The following ZNF695 variants were observed in gnomAD, a reference collection of about 807,000 sequenced individuals.
ZNF695 encodes zinc finger protein SBZF3.
In ZNF695, 11 loss-of-function variants were observed where a neutral mutation model predicts 11.2. The ratio of observed to expected loss-of-function variants is 0.98; its 90% CI spans 0.62 to 1.62. ZNF695 has a LOEUF of 1.62. Ranked by LOEUF, ZNF695 falls within the 40% of genes most tolerant of loss-of-function variation. ZNF695 has a pLI of 0.00. For synonymous variants in ZNF695, 190 were observed against 201.4 expected (o/e 0.94, Z 0.48); for missense variants, 559 against 590.5 (o/e 0.95, Z 0.55).
intron 5 of ZNF695, among the ~76,000 whole-genome samples, chr1:246,960,381 T>C (rs1267779547): frequency 6.6e-6 from 1 of 152,134 alleles, no homozygotes; most frequent in Non-Finnish European, 1.5e-5. Flanking sequence ...TTATATAGAG[T>C]GTGGTTTCTT....
At chr1:246,961,330 T>A (rs940628875) in intron 5 of ZNF695, among the ~76,000 whole-genome samples, 6 of 152,218 alleles carry the variant, frequency 3.9e-5, no homozygotes, top group African/African-American at 1.4e-4. Context: ...CTTATATTGC[T>A]ACCTATTATT....
At chr1:246,962,168 T>C (rs1386880058) in intron 5 of ZNF695, among the ~76,000 whole-genome samples, 1 of 152,220 alleles carries the variant, frequency 6.6e-6, no homozygotes, top group African/African-American at 2.4e-5. Flanking sequence ...TCTTTCCTAA[T>C]GAAGGAGAGG....
chr1:246,949,475 C>T (rs1257150672), intron 5 of ZNF695, among the ~76,000 whole-genome samples: 1 of 152,010 alleles, frequency 6.6e-6, no homozygotes, highest in Non-Finnish European at 1.5e-5. Flanking sequence ...CCTTTAGTCC[C>T]AGCTACTTGG....
chr1:246,962,303 G>A (rs1668182257), intron 5 of ZNF695, among the ~76,000 whole-genome samples: 2 of 152,162 alleles, frequency 1.3e-5, no homozygotes, highest in Admixed American at 6.5e-5. Context: ...CCCAGTCACA[G>A]GAATATGGCT....
intron 4 of ZNF695, among the ~76,000 whole-genome samples, chr1:246,978,644 T>A (rs1033487055): frequency 6.6e-6 from 1 of 152,198 alleles, no homozygotes; most frequent in African/African-American, 2.4e-5. Flanking sequence ...TTACCACATG[T>A]GTATGGCGTA....
In ZNF695 at chr1:246,985,895, C is replaced by T. The variant is rs1402604046; in HGVS notation, c.*1072G>A. The T allele has an allele frequency of 4.2e-5, 41 of 985,192 alleles. No individual in the cohort carries two copies. The highest frequency in any genetic ancestry group is 2.3e-4 in the East Asian group (2 of 8,816). 61.0% of individuals were successfully genotyped at this position (985,192 alleles called of 1,614,324 possible). A position where few individuals can be genotyped will look rare whatever the true frequency, so the allele number is the denominator to read the frequency against. ...GAAAAGGATATGAACAACACCCACC[C>T]GAATATAGAAGAAACTCTCACAGCT... is the stretch of plus-strand genomic sequence containing the variant. On this transcript the variant is annotated 3_prime_UTR_variant, in exon 4 of 4. Transcript: ENST00000339986.
chr1:246,999,221 G>A (rs1445473465), intron 3 of ZNF695, 127 bp downstream of exon 3: 4 of 699,454 alleles, frequency 5.7e-6, no homozygotes, highest in Non-Finnish European at 7.5e-6. Context: ...GGGAGCAAGA[G>A]AAAGAAACCC....
At chr1:246,971,129 G>A (rs1022171296) in intron 4 of ZNF695, among the ~76,000 whole-genome samples, 1 of 152,220 alleles carries the variant, frequency 6.6e-6, no homozygotes, top group African/African-American at 2.4e-5. Flanking sequence ...AGGGTAAGGA[G>A]TGTGAGCCAT....
intron 5 of ZNF695, among the ~76,000 whole-genome samples, chr1:246,962,040 C>G (rs1471121942): frequency 6.6e-6 from 1 of 152,242 alleles, no homozygotes; most frequent in South Asian, 2.1e-4. Context: ...CTGAACTTCT[C>G]TTTAAGGAAA....
chr1:247,007,559 A>C (rs1033789371), intron 1 of ZNF695, among the ~76,000 whole-genome samples: 3 of 151,566 alleles, frequency 2.0e-5, no homozygotes, highest in Non-Finnish European at 2.9e-5. Flanking sequence ...CCACCCAGGA[A>C]CCTTTCACGG....
chr1:246,960,818 A>C (rs897260557), intron 5 of ZNF695, among the ~76,000 whole-genome samples: 1 of 152,128 alleles, frequency 6.6e-6, no homozygotes, highest in Non-Finnish European at 1.5e-5. Flanking sequence ...CTGCAGTCCC[A>C]GCTACTTGGG....
intron 1 of ZNF695, among the ~76,000 whole-genome samples, chr1:247,007,540 C>T (rs1357405648): frequency 6.6e-6 from 1 of 151,270 alleles, no homozygotes; most frequent in Admixed American, 6.6e-5. Flanking sequence ...CCACAGACCA[C>T]AGCTCCTCCC....
intron 5 of ZNF695, among the ~76,000 whole-genome samples, chr1:246,962,097 C>T (rs908732881): frequency 3.9e-5 from 6 of 152,314 alleles, no homozygotes; most frequent in East Asian, 3.9e-4. Flanking sequence ...GCAGTCAAGG[C>T]GGCAGGAAGC....
intron 5 of ZNF695, among the ~76,000 whole-genome samples, chr1:246,954,963 C>A (rs1419944542): frequency 2.0e-5 from 3 of 152,274 alleles, no homozygotes; most frequent in East Asian, 3.9e-4. Context: ...CCACCCAAAT[C>A]TCATCCAAAT....
chr1:246,973,126 C>T (rs186074682), intron 4 of ZNF695, among the ~76,000 whole-genome samples: 23 of 151,706 alleles, frequency 1.5e-4, no homozygotes, highest in Non-Finnish European at 2.2e-4. Context: ...CTCGGCTCAA[C>T]GCAACCTCCA....
At chr1:246,990,734 C>G (rs1398109083) in intron 3 of ZNF695, among the ~76,000 whole-genome samples, 7 of 152,100 alleles carry the variant, frequency 4.6e-5, no homozygotes, top group Non-Finnish European at 1.5e-5. Flanking sequence ...AGTCTTAAAG[C>G]ATCCAAAAAA....
At chr1:247,007,641 G>A (rs899857290) in intron 1 of ZNF695, among the ~76,000 whole-genome samples, 1 of 152,150 alleles carries the variant, frequency 6.6e-6, no homozygotes, top group Non-Finnish European at 1.5e-5. Flanking sequence ...CTGCGGGCGC[G>A]GGGCTGCCCC....
intron 3 of ZNF695, among the ~76,000 whole-genome samples, chr1:246,991,714 T>C (rs1490931799): frequency 6.6e-6 from 1 of 151,670 alleles, no homozygotes; most frequent in Non-Finnish European, 1.5e-5. Flanking sequence ...AGTTTGGAGG[T>C]TTCTCAAAAC....
At chr1:247,006,071 A>G (rs1470483729) in intron 1 of ZNF695, among the ~76,000 whole-genome samples, 2 of 151,790 alleles carry the variant, frequency 1.3e-5, no homozygotes, top group African/African-American at 4.8e-5. Context: ...AAAAAATACC[A>G]AAAATTAGCC....
Sources: gnomAD v4.1 joint callset for allele counts (sites outside exome capture counted in the v4.1 genomes callset) on GRCh38, gnomAD v4.1.1 for gene constraint, MANE v1.5 for transcripts, NCBI Gene and HGNC (gene_info 2026-07-23, HGNC 2026-07-21) for gene names.